The following ZHX2 variants were observed in gnomAD, a reference collection of about 807,000 sequenced individuals.
ZHX2 encodes zinc fingers and homeoboxes protein 2.
Under a neutral mutation model 21.9 loss-of-function variants are expected in ZHX2, and 6 were observed. The observed-to-expected ratio is 0.27, with a 90% CI of 0.15 to 0.54. The LOEUF (loss-of-function observed/expected upper bound fraction) is 0.54, where lower values mean the gene tolerates loss of function less well. Ranked by LOEUF, ZHX2 falls within the 20% of genes least tolerant of loss-of-function variation. ZHX2 has a pLI of 0.95. For missense variants in ZHX2, 908 were observed against 1,090.7 expected (o/e 0.83, Z 2.36); for synonymous variants, 434 against 437.1 (o/e 0.99, Z 0.09).
At chr8:122,824,775 T>C (rs1243579731) in intron 1 of ZHX2, among the ~76,000 whole-genome samples, 1 of 152,256 alleles carries the variant, frequency 6.6e-6, no homozygotes, top group Non-Finnish European at 1.5e-5. Flanking sequence ...TTGACAGTTC[T>C]GGAGTTTGAA....
At chr8:122,914,235 C>T (rs1820546282) in intron 2 of ZHX2, among the ~76,000 whole-genome samples, 1 of 152,224 alleles carries the variant, frequency 6.6e-6, no homozygotes, top group African/African-American at 2.4e-5. Flanking sequence ...GCTGCCTGAT[C>T]CTGGCAGCCC....
At chr8:122,841,112 A>C (rs926043060) in intron 1 of ZHX2, among the ~76,000 whole-genome samples, 1 of 152,144 alleles carries the variant, frequency 6.6e-6, no homozygotes, top group African/African-American at 2.4e-5. Flanking sequence ...TAGCAGCAGC[A>C]TTACGTACTG....
At chr8:122,972,794 A>G (rs1285791616) in intron 3 of ZHX2, among the ~76,000 whole-genome samples, 1 of 152,196 alleles carries the variant, frequency 6.6e-6, no homozygotes, top group Admixed American at 6.5e-5. Context: ...AGCAAAAACT[A>G]AGCCCTAGAG....
At chr8:122,785,907 TG>T (rs1311072494) in intron 1 of ZHX2, among the ~76,000 whole-genome samples, 1 of 152,148 alleles carries the variant, frequency 6.6e-6, no homozygotes, top group Non-Finnish European at 1.5e-5. Context: ...GAAGGTCACG[TG>T]TTTGGGGAAG....
At chr8:122,965,829 C>T (rs907767472) in intron 3 of ZHX2, among the ~76,000 whole-genome samples, 6 of 152,052 alleles carry the variant, frequency 3.9e-5, no homozygotes, top group Non-Finnish European at 7.4e-5. Flanking sequence ...TTTGGGAGCT[C>T]TAGTACTATG....
intron 2 of ZHX2, among the ~76,000 whole-genome samples, chr8:122,926,262 A>T (rs577812296): frequency 2.0e-5 from 3 of 152,182 alleles, no homozygotes; most frequent in Admixed American, 6.5e-5. Context: ...TCCTCTGTTG[A>T]TGCCGGTGCG....
chr8:122,968,857 A>G (rs1813649857), intron 3 of ZHX2, among the ~76,000 whole-genome samples: 1 of 151,850 alleles, frequency 6.6e-6, no homozygotes, highest in Admixed American at 6.6e-5. Context: ...AAAAAAAAGA[A>G]AAAGAAATAT....
chr8:122,917,965 T>G (rs1199073033), intron 2 of ZHX2, among the ~76,000 whole-genome samples: 1 of 152,188 alleles, frequency 6.6e-6, no homozygotes, highest in Non-Finnish European at 1.5e-5. Flanking sequence ...GAAGGCTTTC[T>G]GGATCCTCTT....
chr8:122,870,900 T>A (rs1429424185), intron 2 of ZHX2, among the ~76,000 whole-genome samples: 2 of 152,108 alleles, frequency 1.3e-5, no homozygotes, highest in Non-Finnish European at 2.9e-5. Context: ...AGGTCCAGAG[T>A]GAGCCTCAGG....
At chr8:122,836,129 G>A (rs1231835227) in intron 1 of ZHX2, among the ~76,000 whole-genome samples, 7 of 152,136 alleles carry the variant, frequency 4.6e-5, no homozygotes, top group Admixed American at 2.6e-4. Context: ...TGCCATTTTC[G>A]TTCCCAGAAC....
chr8:122,848,678 T>C (rs1818812328), intron 1 of ZHX2, among the ~76,000 whole-genome samples: 1 of 152,168 alleles, frequency 6.6e-6, no homozygotes, highest in Non-Finnish European at 1.5e-5. Context: ...CCATATTTGC[T>C]TTTCATCCAG....
chr8:122,950,423 G>T (rs1471211870), intron 2 of ZHX2, among the ~76,000 whole-genome samples: 2 of 151,986 alleles, frequency 1.3e-5, no homozygotes, highest in South Asian at 4.2e-4. Flanking sequence ...GGGCCTGTTG[G>T]GGGATGGGGG....
intron 2 of ZHX2, among the ~76,000 whole-genome samples, chr8:122,929,732 A>T (rs1291051863): frequency 2.0e-5 from 3 of 152,012 alleles, no homozygotes. Context: ...GAAAAACTCC[A>T]CTGAGCATTA....
chr8:122,834,791 G>A (rs1372929484), intron 1 of ZHX2, among the ~76,000 whole-genome samples: 1 of 152,182 alleles, frequency 6.6e-6, no homozygotes, highest in Non-Finnish European at 1.5e-5. Flanking sequence ...GAGAAAAAGG[G>A]CTGGGTTTTC....
intron 2 of ZHX2, among the ~76,000 whole-genome samples, chr8:122,946,262 T>C (rs1284907882): frequency 5.9e-4 from 90 of 152,266 alleles, no homozygotes; most frequent in Non-Finnish European, 8.8e-5. Context: ...GCTTTCAAAA[T>C]GACAGATACC....
chr8:122,789,848 TTG>T (rs1183934621), intron 1 of ZHX2, among the ~76,000 whole-genome samples: 3 of 152,176 alleles, frequency 2.0e-5, no homozygotes, highest in Non-Finnish European at 1.5e-5. Flanking sequence ...CTGGGGAACT[TTG>T]TGTTAGAGAA....
chr8:122,899,449 A>G (rs1374016734), intron 2 of ZHX2, among the ~76,000 whole-genome samples: 1 of 152,162 alleles, frequency 6.6e-6, no homozygotes, highest in Non-Finnish European at 1.5e-5. Context: ...CAGACCTCAT[A>G]CTATCTTTTC....
chr8:122,801,911 G>A (rs903340914), intron 1 of ZHX2, among the ~76,000 whole-genome samples: 1 of 152,150 alleles, frequency 6.6e-6, no homozygotes, highest in Admixed American at 6.5e-5. Context: ...TAAGTATGAG[G>A]CCTGAGAGAA....
At chr8:122,903,357 A>G (rs1820273901) in intron 2 of ZHX2, among the ~76,000 whole-genome samples, 1 of 152,222 alleles carries the variant, frequency 6.6e-6, no homozygotes, top group Non-Finnish European at 1.5e-5. Context: ...CTGTGAGACA[A>G]AGAAGTATCA....
Sources: allele counts gnomAD v4.1 joint callset (sites outside exome capture counted in the v4.1 genomes callset), GRCh38; gene constraint gnomAD v4.1.1; transcripts MANE v1.5; gene names NCBI Gene and HGNC (gene_info 2026-07-23, HGNC 2026-07-21).